AP5Z1: variants seen among roughly 807,000 people sequenced by gnomAD.
AP5Z1 encodes AP-5 complex subunit zeta-1.
A neutral mutation model predicts 83.0 loss-of-function variants in AP5Z1; 106 were observed. That is an observed-to-expected ratio of 1.28 (90% CI 1.09 to 1.50). AP5Z1 has a LOEUF of 1.50. Among genes scored for constraint, AP5Z1 ranks in the 40% most tolerant of loss-of-function variants. The pLI is 0.00. For missense variants in AP5Z1, 1,565 were observed against 1,094.2 expected (o/e 1.43, Z -6.07); for synonymous variants, 751 against 514.1 (o/e 1.46, Z -6.23).
intron 9 of AP5Z1, among the ~76,000 whole-genome samples, 191 bp from the exon 10 acceptor site, chr7:4,786,059 G>A (rs1781533430): frequency 6.6e-6 from 1 of 152,240 alleles, no homozygotes; most frequent in Admixed American, 6.5e-5. Flanking sequence ...CATAGTGTGT[G>A]TGACTCACGA....
In AP5Z1 at chr7:4,787,893, A is replaced by G. The variant is rs1011120859; in HGVS notation, c.1454+117A>G. ...GGGGACCCTCCTTCTTCCCCCCCCA[A>G]CACCTGACCAGTCCTCCCCTGCAAA... is the stretch of plus-strand genomic sequence containing the variant. On this transcript the variant is annotated intron_variant, in intron 11 of 16. Transcript: ENST00000649063. The G allele has an allele frequency of 2.3e-6, 3 of 1,283,998 alleles. No individual in the cohort carries two copies. In the South Asian group the frequency reaches 4.5e-5, roughly 19 times the overall value. 79.5% of individuals were successfully genotyped at this position (1,283,998 alleles called of 1,614,324 possible). A position where few individuals can be genotyped will look rare whatever the true frequency, so the allele number is the denominator to read the frequency against.
rs1326044813 is a variant in AP5Z1, at chr7:4,789,984, TCC to T, written c.1805+59_1805+60del. The T allele has an allele frequency of 3.5e-6, 4 of 1,134,350 alleles. No homozygotes were observed. The Admixed American group carries it at 8.7e-5, about 25-fold the overall frequency. 70.3% of individuals were successfully genotyped at this position (1,134,350 alleles called of 1,614,324 possible). On this transcript the variant is annotated intron_variant, in intron 14 of 16. Coordinates refer to ENST00000649063, the MANE Select transcript of AP5Z1 (RefSeq NM_014855.3). ...CCTGGGCGGGTGCCTCCTGGACTCC[TCC>T]CCCTCTCCCCTCCCCCCTCCCCTTC...
Position 4,775,632 on chromosome 7 carries a change from C to T in AP5Z1, c.-84C>T. ...GCCGCTGCGCTCACGTGACGCGGTC[C>T]CGGAAGTTGACCGGGGTGCGGAGCT... On this transcript the variant is annotated 5_prime_UTR_variant, in exon 1 of 17. Coordinates refer to ENST00000649063, the MANE Select transcript of AP5Z1 (RefSeq NM_014855.3). 11 of 1,580,456 alleles carry T rather than the reference C, an allele frequency of 7.0e-6. No individual in the cohort carries two copies. The highest frequency in any genetic ancestry group is 1.7e-5 in the Admixed American group (1 of 57,362).
chr7:4,788,902 C>T lies in AP5Z1; in HGVS notation c.1658C>T (p.Ala553Val). The T allele has an allele frequency of 6.2e-7, 1 of 1,611,130 alleles. No individual in the cohort carries two copies. The change falls in exon 13 of 17, where the codon GCC becomes GTC. Residue 553 changes from alanine (A) to valine (V), a missense_variant. Transcript: ENST00000649063. Reference protein sequence around the residue: ...MAGCARVAQCAQAVPTLLQAF... With the variant: ...MAGCARVAQCVQAVPTLLQAF... ...GGCTGTGCCCGCGTGGCCCAGTGTG[C>T]CCAGGCCGTGCCCACGCTGCTGCAG...
chr7:4,784,420 A>C (rs746667805), intron 6 of AP5Z1, 49 bp downstream of exon 6: 1 of 1,541,300 alleles, frequency 6.5e-7, no homozygotes, highest in Admixed American at 1.9e-5. Flanking sequence ...AGGTGGGCGC[A>C]CTATGGGTTG....
intron 12 of AP5Z1, 145 bp from the exon 13 acceptor site, chr7:4,788,695 C>T (rs1487037920): frequency 1.1e-5 from 8 of 708,424 alleles, no homozygotes; most frequent in South Asian, 2.1e-5. Context: ...CTCCCCAAAC[C>T]CAGGGGAGCA....
intron 10 of AP5Z1, 71 bp downstream of exon 10, chr7:4,786,499 G>T: frequency 6.4e-7 from 1 of 1,570,340 alleles, no homozygotes; most frequent in Non-Finnish European, 8.7e-7. Flanking sequence ...CCTCTTTCCA[G>T]CGGGGTTCAG....
At position 4,783,564 on chromosome 7, in the gene AP5Z1, G is replaced by A. The variant is rs558941021; in HGVS notation, c.511+104G>A. ...AGTGTGGGGGGCAGGTGGGGGACAC[G>A]GGGAGGCCCGAGGGTTTGGGACGCT... On this transcript the variant is annotated intron_variant, in intron 4 of 16. Transcript: ENST00000649063. 7.8e-4 allele frequency: 1,209 copies of A among 1,542,344 alleles called. 10 individuals carry two copies. The African/African-American group carries it at 0.012, about 15-fold the overall frequency.
At chr7:4,789,950 T>G in intron 14 of AP5Z1, 21 bp downstream of exon 14, 3 of 1,512,816 alleles carry the variant, frequency 2.0e-6, no homozygotes, top group Non-Finnish European at 2.7e-6. Flanking sequence ...CCTGCGCTCC[T>G]GCCACAGCCC....
rs114742032 is a variant in AP5Z1 at position 4,776,041 on chromosome 7, C to G, written c.41+285C>G. Among the ~76,000 whole-genome samples the G allele has an allele frequency of 0.024, 3,583 of 152,176 alleles. 131 individuals are homozygous for G. Among genetic ancestry groups the G allele is most frequent in the African/African-American group, 0.082 (3,395 of 41,490 alleles). The stretch of plus-strand genomic sequence containing the variant: ...GTCGACAGTTTAGTCAAAGGCTTGG[C>G]GGTGAGAACTCCGCGTCTGGCAGGA... On this transcript the variant is annotated intron_variant, in intron 1 of 16. Coordinates refer to ENST00000649063, the MANE Select transcript of AP5Z1 (RefSeq NM_014855.3).
intron 1 of AP5Z1, among the ~76,000 whole-genome samples, chr7:4,780,171 G>T (rs1781341550): frequency 6.6e-6 from 1 of 152,150 alleles, no homozygotes. Context: ...GACTGGGATA[G>T]AAACCTAAAA....
Position 4,790,839 on chromosome 7 carries a change from T to C in AP5Z1, c.2105T>C (p.Met702Thr), listed in dbSNP as rs777075668. Residue 702 changes from methionine to threonine, a missense_variant, in exon 16 of 17, where the codon ATG becomes ACG. Transcript: ENST00000649063. ...CCCCCCCAGGTGGTCACCGTGCTGATGACCACGCTGACGAAGCTGGCCTCC... is the reference window on the plus strand; with the variant it reads ...CCCCCCCAGGTGGTCACCGTGCTGACGACCACGCTGACGAAGCTGGCCTCC... ...RCPPQVVTVL[M>T]TTLTKLASRS... 18 of 1,608,964 alleles carry C rather than the reference T, an allele frequency of 1.1e-5. No homozygotes were observed. The highest frequency in any genetic ancestry group is 4.5e-5 in the East Asian group (2 of 44,792).
intron 6 of AP5Z1, among the ~76,000 whole-genome samples, 180 bp from the exon 7 acceptor site, chr7:4,784,728 T>G (rs1396109321): frequency 2.6e-5 from 4 of 152,194 alleles, no homozygotes; most frequent in Non-Finnish European, 4.4e-5. Flanking sequence ...TCAGCCACCC[T>G]GAAGGGCGGC....
rs990303800 is a variant in AP5Z1, at chr7:4,791,901, G to C, written c.*516G>C. The C allele has an allele frequency of 6.4e-6, 1 of 156,986 alleles. No homozygotes were observed. Among genetic ancestry groups the C allele is most frequent in the Non-Finnish European group, 1.4e-5 (1 of 71,224 alleles). 9.7% of individuals were successfully genotyped at this position (156,986 alleles called of 1,614,324 possible). A position where few individuals can be genotyped will look rare whatever the true frequency, so the allele number is the denominator to read the frequency against. ...TGCTGCTACAGAAACCAGGTCATTT[G>C]TGCACAGCCCGGAAGGCAGCGGCGC... On this transcript the variant is annotated 3_prime_UTR_variant, in exon 17 of 17. Coordinates refer to ENST00000649063, the MANE Select transcript of AP5Z1 (RefSeq NM_014855.3).
rs1022728350 is a variant in AP5Z1 at position 4,789,952 on chromosome 7, C to T, written c.1805+23C>T. 4 of 1,510,568 alleles carry T rather than the reference C, an allele frequency of 2.6e-6. No homozygotes were observed. The East Asian group carries it at 7.4e-5, about 28-fold the overall frequency. 93.6% of individuals were successfully genotyped at this position (1,510,568 alleles called of 1,614,324 possible). A position where few individuals can be genotyped will look rare whatever the true frequency, so the allele number is the denominator to read the frequency against. On this transcript the variant is annotated intron_variant, in intron 14 of 16. Transcript: ENST00000649063. ...CAGGTAGGTCCCTCCTGCGCTCCTG[C>T]CACAGCCCTGGGCGGGTGCCTCCTG...
rs1477003524 is a variant in AP5Z1 at position 4,789,854 on chromosome 7, A to T, written c.1730A>T (p.Asn577Ile). The change falls in exon 14 of 17, where the codon AAC (asparagine) becomes ATC (isoleucine). Residue 577 changes from asparagine to isoleucine, a missense_variant. Transcript: ENST00000649063. ...CAGGTGGCTGACGGGTCCCTGATCAACCAGCTGGCGCTGCTGCTCCTGGGC... is the reference window on the plus strand; with the variant it reads ...CAGGTGGCTGACGGGTCCCTGATCATCCAGCTGGCGCTGCTGCTCCTGGGC... Reference protein sequence around the residue: ...VTQVADGSLINQLALLLLGRS... With the variant: ...VTQVADGSLIIQLALLLLGRS... 6.4e-7 allele frequency: 1 copy of T among 1,552,326 alleles called. No individual in the cohort carries two copies. The highest frequency in any genetic ancestry group is 1.4e-5 in the African/African-American group (1 of 73,084).
At chr7:4,783,938 G>T in intron 5 of AP5Z1, 140 bp downstream of exon 5, 1 of 1,010,180 alleles carries the variant, frequency 9.9e-7, no homozygotes, top group South Asian at 1.6e-5. Context: ...CGGGGCTTGG[G>T]TCAGGCAGGG....
rs1781746953 is a variant in AP5Z1 at position 4,790,925 on chromosome 7, T to C, written c.2153+38T>C. The C allele has an allele frequency of 1.9e-6, 3 of 1,543,626 alleles. No homozygotes were observed. The East Asian group carries it at 7.2e-5, about 37-fold the overall frequency. On this transcript the variant is annotated intron_variant, in intron 16 of 16. Transcript: ENST00000649063. ...GGAGGGAGCGAAGCCTTCTGGCTCC[T>C]GGGGAAGAGAGGTGGCTTCTGAGGT...
intron 4 of AP5Z1, 29 bp downstream of exon 4, chr7:4,783,489 TG>T (rs374693543): frequency 6.4e-7 from 1 of 1,563,016 alleles, no homozygotes; most frequent in Admixed American, 1.7e-5. Flanking sequence ...AAGAGGCTGT[TG>T]GGGGTCTGCC....
Sources: allele counts gnomAD v4.1 joint callset (sites outside exome capture counted in the v4.1 genomes callset), GRCh38; gene constraint gnomAD v4.1.1; transcripts MANE v1.5; gene names NCBI Gene and HGNC (gene_info 2026-07-23, HGNC 2026-07-21).